Variants in WDR47 observed in about 807,000 individuals in gnomAD.
WDR47 encodes the protein WD repeat domain 47.
Under a neutral mutation model 97.2 loss-of-function variants are expected in WDR47, and 32 were observed. The ratio of observed to expected loss-of-function variants is 0.33; its 90% confidence interval spans 0.25 to 0.44. The LOEUF (loss-of-function observed/expected upper bound fraction) is 0.44. Ranked by LOEUF, WDR47 falls within the 20% of genes least tolerant of loss-of-function variation. The pLI, the probability that WDR47 is intolerant of heterozygous loss-of-function variation, is 1.00. For synonymous variants in WDR47, 375 were observed against 373.5 expected, an observed-to-expected ratio of 1.00 and a Z score of -0.05; for missense variants, 782 against 1,102.3, an observed-to-expected ratio of 0.71 and a Z score of 4.11.
intron 5 of WDR47, among the ~76,000 whole-genome samples, chr1:109,008,271 TTC>T (rs779796287): frequency 1.8e-4 from 27 of 150,594 alleles, no homozygotes; most frequent in Non-Finnish European, 3.4e-4. Context: ...TATCCTATAC[TTC>T]TTTTTTTTTT....
At chr1:108,992,206 A>G in intron 8 of WDR47, 1 of 765,510 alleles carries the variant, frequency 1.3e-6, no homozygotes, top group Non-Finnish European at 2.4e-6. Context: ...TTAGATAATA[A>G]GAAAGACCTC....
chr1:109,014,377 G>GA (rs1661262868), intron 3 of WDR47, among the ~76,000 whole-genome samples: 1 of 151,568 alleles, frequency 6.6e-6, no homozygotes, highest in African/African-American at 2.4e-5. Flanking sequence ...AAGGGTAGGA[G>GA]AAAATGAACA....
intron 2 of WDR47, among the ~76,000 whole-genome samples, chr1:109,017,811 A>G (rs1661529611): frequency 6.6e-6 from 1 of 151,322 alleles, no homozygotes; most frequent in South Asian, 2.1e-4. Flanking sequence ...CAATGGCACA[A>G]TCTCGGCTCA....
chr1:108,983,266 C>T lies in WDR47; in HGVS notation c.2095+16G>A. On this transcript the variant is annotated intron_variant, in intron 11 of 14. Coordinates refer to ENST00000369962, the MANE Select transcript of WDR47 (RefSeq NM_001142551.2). The stretch of plus-strand genomic sequence containing the variant: ...ACACTGGTAAGCTAGCTACTGCTTA[C>T]ATACTTGGGCCCTACCTGTTGCGTT... The T allele has an allele frequency of 6.3e-7, 1 of 1,592,556 alleles. No individual in the cohort carries two copies.
intron 7 of WDR47, 123 bp from the exon 8 acceptor site, chr1:108,995,960 T>C (rs1377159186): frequency 9.7e-7 from 1 of 1,026,772 alleles, no homozygotes; most frequent in Admixed American, 2.9e-5. Context: ...ATGGCAAATT[T>C]AGTGTTAAAA....
At chr1:109,038,988 CAATAAT>C (rs543646153) in intron 1 of WDR47, among the ~76,000 whole-genome samples, 6,350 of 150,888 alleles carry the variant, frequency 0.042, 188 homozygotes, top group Non-Finnish European at 0.058. Flanking sequence ...CAAATAATAA[CAATAAT>C]AATAAATAAA....
At chr1:108,987,707 A>G (rs1658948377) in intron 9 of WDR47, among the ~76,000 whole-genome samples, 1 of 151,702 alleles carries the variant, frequency 6.6e-6, no homozygotes, top group African/African-American at 2.4e-5. Flanking sequence ...ACCTGAAGTG[A>G]TCTGCTTGCC....
Position 108,974,579 on chromosome 1 carries a change from T to C in WDR47, c.2574A>G (p.Leu858=), listed in dbSNP as rs770918908. 11 of 1,614,192 alleles carry C rather than the reference T, an allele frequency of 6.8e-6. No homozygotes were observed. In the South Asian group the frequency reaches 1.1e-4, roughly 16 times the overall value. Residue 858 remains leucine (L), a synonymous_variant, in exon 14 of 15, where the codon CTA becomes CTG. Transcript: ENST00000369962. ...TTATTTTCATATCATAAGAGCCTGT[T>C]AGCAAGTAGTGAGCTCCAGGGGAGA... ...VRFSPGAHYL[L]TGSYDMKIKV...
intron 2 of WDR47, among the ~76,000 whole-genome samples, chr1:109,019,474 C>A (rs1465471764): frequency 2.0e-5 from 3 of 151,482 alleles, no homozygotes; most frequent in African/African-American, 2.4e-5. Context: ...AAATCCATCT[C>A]AACTGGGGGT....
At chr1:109,034,309 A>G (rs1012519668) in intron 1 of WDR47, among the ~76,000 whole-genome samples, 1 of 152,230 alleles carries the variant, frequency 6.6e-6, no homozygotes, top group Non-Finnish European at 1.5e-5. Context: ...ACTTAAATGT[A>G]GACTACCCAA....
intron 7 of WDR47, among the ~76,000 whole-genome samples, chr1:109,001,963 G>A (rs1660235685): frequency 6.6e-6 from 1 of 151,912 alleles, no homozygotes; most frequent in Non-Finnish European, 1.5e-5. Flanking sequence ...CAGTTACCCT[G>A]GGAGAGCTGG....
intron 1 of WDR47, among the ~76,000 whole-genome samples, chr1:109,034,607 G>A (rs561987842): frequency 6.6e-6 from 1 of 152,218 alleles, no homozygotes; most frequent in Admixed American, 6.6e-5. Flanking sequence ...GATCAGCAGT[G>A]GCATTAGATT....
At chr1:109,022,379 T>C (rs1380751397) in intron 2 of WDR47, among the ~76,000 whole-genome samples, 1 of 152,188 alleles carries the variant, frequency 6.6e-6, no homozygotes, top group Admixed American at 6.5e-5. Flanking sequence ...TTTTCTATAA[T>C]GAACACATCT....
At chr1:109,027,347 A>C (rs1283757460) in intron 1 of WDR47, among the ~76,000 whole-genome samples, 11 of 150,488 alleles carry the variant, frequency 7.3e-5, no homozygotes, top group Admixed American at 2.7e-4. Flanking sequence ...TGAGCCACCA[A>C]GCCTGGCCCA....
rs575642560 is a variant in WDR47 at position 109,001,598 on chromosome 1, A to T, written c.1433+626T>A. ...TTGTAAGAAGGTTAGAAGAAATAAG[A>T]AGTAGATAAGGGCCAGCACAGTGGC... On this transcript the variant is annotated intron_variant, in intron 7 of 14. Coordinates refer to ENST00000369962, the MANE Select transcript of WDR47 (RefSeq NM_001142551.2). Among the ~76,000 whole-genome samples, 6 of 152,286 alleles carry T rather than the reference A, an allele frequency of 3.9e-5. No homozygotes were observed. The South Asian group carries it at 6.2e-4, about 16-fold the overall frequency.
chr1:109,016,764 C>T (rs1661448418), intron 3 of WDR47, among the ~76,000 whole-genome samples: 1 of 151,094 alleles, frequency 6.6e-6, no homozygotes, highest in South Asian at 2.1e-4. Context: ...GTGCAGATTA[C>T]ATTTACAAAA....
intron 13 of WDR47, among the ~76,000 whole-genome samples, chr1:108,980,107 C>G (rs1658228572): frequency 6.6e-6 from 1 of 152,148 alleles, no homozygotes; most frequent in Admixed American, 6.5e-5. Flanking sequence ...ATCCCTAAAC[C>G]ATCCCTACCC....
intron 2 of WDR47, among the ~76,000 whole-genome samples, chr1:109,022,295 T>C (rs778051309): frequency 1.3e-5 from 2 of 152,190 alleles, no homozygotes; most frequent in Non-Finnish European, 2.9e-5. Context: ...ACTCTAAGAA[T>C]GAAAACAGCA....
chr1:108,977,001 A>G (rs1268873442), intron 13 of WDR47, among the ~76,000 whole-genome samples: 1 of 152,196 alleles, frequency 6.6e-6, no homozygotes, highest in African/African-American at 2.4e-5. Context: ...TTTCAAAAGC[A>G]TACTTTGACT....
Sources: gnomAD v4.1 joint callset for allele counts (sites outside exome capture counted in the v4.1 genomes callset) on GRCh38, gnomAD v4.1.1 for gene constraint, MANE v1.5 for transcripts, NCBI Gene and HGNC (gene_info 2026-07-23, HGNC 2026-07-21) for gene names.